The following CDCP1 variants were observed in gnomAD, a reference collection of about 807,000 sequenced individuals.
CDCP1 encodes the protein CUB domain containing protein 1.
CDCP1 carries 29 observed loss-of-function variants against 60.2 expected under a neutral mutation model. The observed-to-expected ratio is 0.48, with a 90% confidence interval of 0.36 to 0.66. The LOEUF is 0.66. Ranked by LOEUF, CDCP1 falls within the 30% of genes least tolerant of loss-of-function variation. The pLI is 0.00. For synonymous variants in CDCP1, 387 were observed against 431.1 expected (o/e 0.90, Z 1.27); for missense variants, 876 against 1,074.3 (o/e 0.82, Z 2.58).
intron 1 of CDCP1, among the ~76,000 whole-genome samples, chr3:45,136,428 C>T (rs1002635364): frequency 2.0e-5 from 3 of 152,150 alleles, no homozygotes; most frequent in East Asian, 3.8e-4. Context: ...AAATTTGGGG[C>T]GATGAAGCAT....
chr3:45,099,469 G>C (rs1354717527), intron 4 of CDCP1, among the ~76,000 whole-genome samples: 2 of 151,988 alleles, frequency 1.3e-5, no homozygotes, highest in Admixed American at 1.3e-4. Context: ...TTACAATACT[G>C]TGCCTTGGTG....
intron 1 of CDCP1, among the ~76,000 whole-genome samples, chr3:45,142,761 C>T (rs934578531): frequency 1.3e-5 from 2 of 151,840 alleles, no homozygotes; most frequent in African/African-American, 2.4e-5. Context: ...CACGGAAATA[C>T]GCGTGCAAAG....
chr3:45,110,188 A>G, intron 4 of CDCP1: 1 of 1,275,312 alleles, frequency 7.8e-7, no homozygotes, highest in Non-Finnish European at 9.9e-7. Flanking sequence ...TCAAGACATA[A>G]GATCTAGAAA....
chr3:45,115,311 G>A (rs1698765426), intron 2 of CDCP1, among the ~76,000 whole-genome samples: 1 of 152,144 alleles, frequency 6.6e-6, no homozygotes, highest in South Asian at 2.1e-4. Flanking sequence ...CCCCTATAGA[G>A]TAGTATAAAG....
Position 45,120,422 on chromosome 3 carries a change from T to C in CDCP1, c.83-1801A>G, listed in dbSNP as rs552921207. Reference sequence around the variant, plus strand: ...CTCACTTAGAATGGTTTTTCAGGTATGAACTTTACCCTCTTTGGGCCTCTG... The same window carrying C: ...CTCACTTAGAATGGTTTTTCAGGTACGAACTTTACCCTCTTTGGGCCTCTG... On this transcript the variant is annotated intron_variant, in intron 1 of 8. Coordinates refer to ENST00000296129, the MANE Select transcript of CDCP1 (RefSeq NM_022842.5). Among the ~76,000 whole-genome samples, 3 of 152,350 alleles carry C rather than the reference T, an allele frequency of 2.0e-5. No individual in the cohort carries two copies. In the East Asian group the frequency reaches 5.8e-4, roughly 29 times the overall value.
chr3:45,131,036 T>C (rs1441840863), intron 1 of CDCP1, among the ~76,000 whole-genome samples: 2 of 152,082 alleles, frequency 1.3e-5, no homozygotes, highest in African/African-American at 2.4e-5. Flanking sequence ...CTGGCTAATT[T>C]TTTTGTTTTC....
At chr3:45,113,335 C>T (rs1415244732) in intron 2 of CDCP1, among the ~76,000 whole-genome samples, 1 of 152,152 alleles carries the variant, frequency 6.6e-6, no homozygotes, top group African/African-American at 2.4e-5. Context: ...CTAATAACAT[C>T]CTTTGATATA....
chr3:45,116,564 G>A (rs1343253885), intron 2 of CDCP1, among the ~76,000 whole-genome samples: 2 of 152,216 alleles, frequency 1.3e-5, no homozygotes, highest in East Asian at 3.8e-4. Flanking sequence ...TAATAGCAGA[G>A]TTGAGGAGCT....
chr3:45,098,893 A>T (rs1576085146), intron 4 of CDCP1, among the ~76,000 whole-genome samples: 1 of 152,106 alleles, frequency 6.6e-6, no homozygotes, highest in African/African-American at 2.4e-5. Flanking sequence ...TTGATACCCA[A>T]ACTCTCTTCC....
intron 6 of CDCP1, 38 bp downstream of exon 6, chr3:45,093,239 A>T: frequency 6.3e-7 from 1 of 1,578,914 alleles, no homozygotes; most frequent in East Asian, 2.3e-5. Flanking sequence ...TAAACGCTTA[A>T]ACTAAAGGGG....
At chr3:45,113,632 T>C (rs957745737) in intron 2 of CDCP1, among the ~76,000 whole-genome samples, 6 of 152,198 alleles carry the variant, frequency 3.9e-5, no homozygotes, top group African/African-American at 1.4e-4. Context: ...AGACCTCTAA[T>C]TTTTGCAAAG....
intron 4 of CDCP1, among the ~76,000 whole-genome samples, chr3:45,097,693 A>G (rs1232893428): frequency 6.6e-6 from 1 of 152,150 alleles, no homozygotes; most frequent in East Asian, 1.9e-4. Flanking sequence ...CAGGAACCAT[A>G]TAATTGATGG....
chr3:45,140,933 G>C (rs1417516520), intron 1 of CDCP1, among the ~76,000 whole-genome samples: 1 of 152,192 alleles, frequency 6.6e-6, no homozygotes, highest in African/African-American at 2.4e-5. Flanking sequence ...GGGCGTGGTG[G>C]CTCACGCCTA....
At chr3:45,088,679 G>A (rs1402786846) in intron 8 of CDCP1, among the ~76,000 whole-genome samples, 1 of 152,120 alleles carries the variant, frequency 6.6e-6, no homozygotes, top group Non-Finnish European at 1.5e-5. Context: ...GTTCTCCTTA[G>A]GGTGACGGAG....
At position 45,082,554 on chromosome 3, in the gene CDCP1, T is replaced by A. The variant is rs1698120692; in HGVS notation, c.*3084A>T. ...ATTTGTTTATTTAAAGCACAGGAAA[T>A]GAATAAAATGCCACCTAAAAAGTAT... is the stretch of plus-strand genomic sequence containing the variant. On this transcript the variant is annotated 3_prime_UTR_variant, in exon 9 of 9. Transcript: ENST00000296129. 6.6e-6 allele frequency: 1 copy of A among 152,136 alleles called. No individual in the cohort carries two copies. Among genetic ancestry groups the A allele is most frequent in the African/African-American group, 2.4e-5 (1 of 41,410 alleles). 9.4% of individuals were successfully genotyped at this position (152,136 alleles called of 1,614,324 possible).
chr3:45,133,592 C>T (rs1487654265), intron 1 of CDCP1, among the ~76,000 whole-genome samples: 1 of 20,274 alleles, frequency 4.9e-5, no homozygotes, highest in African/African-American at 1.0e-4. Flanking sequence ...GTAGCGGGCG[C>T]CTGTAGTCCC....
intron 1 of CDCP1, among the ~76,000 whole-genome samples, chr3:45,141,487 A>G (rs1406166624): frequency 6.6e-6 from 1 of 152,242 alleles, no homozygotes; most frequent in African/African-American, 2.4e-5. Context: ...AATGGGATGT[A>G]TAGCGTTGCT....
intron 4 of CDCP1, among the ~76,000 whole-genome samples, chr3:45,096,730 T>C (rs1314767063): frequency 1.3e-5 from 2 of 150,212 alleles, no homozygotes; most frequent in Non-Finnish European, 2.9e-5. Context: ...ACAATGCAGA[T>C]GGTAAAATCT....
chr3:45,111,623 C>T (rs569935327), intron 3 of CDCP1, among the ~76,000 whole-genome samples: 2 of 152,314 alleles, frequency 1.3e-5, no homozygotes, highest in African/African-American at 4.8e-5. Context: ...TGCAGTGAGC[C>T]AAGACAGTGC....
Sources: allele counts gnomAD v4.1 joint callset (sites outside exome capture counted in the v4.1 genomes callset), GRCh38; gene constraint gnomAD v4.1.1; transcripts MANE v1.5; gene names NCBI Gene and HGNC (gene_info 2026-07-23, HGNC 2026-07-21).